Variants in ZBTB1 observed in about 807,000 individuals in gnomAD.
The protein encoded by ZBTB1 is zinc finger and BTB domain-containing protein 1.
ZBTB1 carries 13 observed loss-of-function variants against 51.6 expected under a neutral mutation model. The ratio of observed to expected loss-of-function variants is 0.25; its 90% CI spans 0.16 to 0.40. The LOEUF is 0.40. Among genes scored for constraint, ZBTB1 ranks in the 10% least tolerant of loss-of-function variants. The probability of loss-of-function intolerance (pLI) is 1.00; values close to 1 mark genes in which losing one functional copy is unlikely to be tolerated. For missense variants in ZBTB1, 567 were observed against 856.5 expected, an observed-to-expected ratio of 0.66 and a Z score of 4.22; for synonymous variants, 240 against 282.2, an observed-to-expected ratio of 0.85 and a Z score of 1.50.
rs35952308 is a variant in ZBTB1 at position 64,523,982 on chromosome 14, GT to G, written c.*349del. 0.013 allele frequency: 10,484 copies of G among 807,528 alleles called. 3 individuals are homozygous for G. The highest frequency in any genetic ancestry group is 0.026 in the East Asian group (209 of 7,930). 50.0% of individuals were successfully genotyped at this position (807,528 alleles called of 1,614,324 possible). ...GGTGATGACTTCACTATTTCTATGT[GT>G]TTTTTTTTTTTTAAGGTTATCCTGT... On this transcript the variant is annotated 3_prime_UTR_variant, in exon 2 of 2. Coordinates refer to ENST00000683701, the MANE Select transcript of ZBTB1 (RefSeq NM_001123329.2). This position sits in a 1 kb window ranked among gnomAD's most constrained non-coding sequence, Gnocchi z 4.5.
At chr14:64,506,651 C>A (rs993304377) in intron 1 of ZBTB1, among the ~76,000 whole-genome samples, 14 of 152,224 alleles carry the variant, frequency 9.2e-5, no homozygotes, top group Non-Finnish European at 1.9e-4. Flanking sequence ...TAACCTCTTA[C>A]ATTCGTTTTA....
chr14:64,509,537 A>C (rs1364496044), intron 1 of ZBTB1, among the ~76,000 whole-genome samples: 2 of 152,216 alleles, frequency 1.3e-5, no homozygotes, highest in African/African-American at 4.8e-5. Context: ...TCTTAGAATG[A>C]ACATGCATTT....
exon 3 of ZBTB1, chr14:64,532,270 G>A (rs1435321762): frequency 1.9e-5 from 3 of 160,794 alleles, no homozygotes; most frequent in African/African-American, 4.8e-5. Flanking sequence ...AATATAAAGA[G>A]ACATAATCAC....
chr14:64,516,844 GAA>G (rs1440732243), intron 1 of ZBTB1: 1 of 152,170 alleles, frequency 6.6e-6, no homozygotes, highest in Admixed American at 6.6e-5. Flanking sequence ...GTTAATAAAA[GAA>G]TATGTATTTT....
At chr14:64,519,779 A>G (rs1242053328) in intron 1 of ZBTB1, among the ~76,000 whole-genome samples, 1 of 147,062 alleles carries the variant, frequency 6.8e-6, no homozygotes, top group East Asian at 2.0e-4. Context: ...CCCTGCCTCA[A>G]AAAAAAAAAA....
Position 64,523,297 on chromosome 14 carries a change from C to T in ZBTB1, c.1793C>T (p.Thr598Ile). 1 of 1,614,170 alleles carries T rather than the reference C, an allele frequency of 6.2e-7. No homozygotes were observed. Among genetic ancestry groups the T allele is most frequent in the Non-Finnish European group, 8.5e-7 (1 of 1,180,024 alleles). The change falls in exon 2 of 2, where the codon ACT becomes ATT. Residue 598 changes from threonine (T) to isoleucine (I), a missense_variant. Physicochemically the swap from Thr to Ile is moderately conservative, Grantham distance 89. Coordinates refer to ENST00000683701, the MANE Select transcript of ZBTB1 (RefSeq NM_001123329.2). This position sits in a 1 kb window ranked among gnomAD's most constrained non-coding sequence, Gnocchi z 4.5. ...YQRCHLREHY[T>I]VHTKEKQFVC... ...CGGTGTCACTTAAGAGAACACTATA[C>T]TGTTCATACTAAGGAAAAACAGTTT...
Position 64,523,254 on chromosome 14 carries a change from G to A in ZBTB1, c.1750G>A (p.Gly584Arg). ...HRRKHFCNLC[G>R]KGFYQRCHLR... is the part of the protein sequence containing the mutation. ...ACGAAAGCATTTTTGTAATCTGTGT[G>A]GAAAAGGATTTTATCAGCGGTGTCA... Residue 584 changes from glycine (G) to arginine (R), a missense_variant, in exon 2 of 2, where the codon GGA (glycine) becomes AGA (arginine). Physicochemically the swap from Gly to Arg is moderately radical, Grantham distance 125. This residue lies in a region of ZBTB1 where 69 missense variants were observed against 171.8 expected (regional missense o/e 0.40). Coordinates refer to ENST00000683701, the MANE Select transcript of ZBTB1 (RefSeq NM_001123329.2). The surrounding 1 kb of genome is among the most constrained non-coding windows in gnomAD (Gnocchi z 4.5). The A allele has an allele frequency of 6.2e-7, 1 of 1,614,124 alleles. No individual in the cohort carries two copies. Among genetic ancestry groups the A allele is most frequent in the Non-Finnish European group, 8.5e-7 (1 of 1,180,002 alleles).
upstream of ZBTB1, chr14:64,504,532 G>T: frequency 5.8e-6 from 1 of 173,656 alleles, no homozygotes; most frequent in South Asian, 2.0e-4. Context: ...CCGCCGCGAC[G>T]GCCCCCGCGG....
chr14:64,527,686 C>A (rs2079914101), downstream of ZBTB1, among the ~76,000 whole-genome samples: 1 of 151,918 alleles, frequency 6.6e-6, no homozygotes. Context: ...GCAGGAGAAT[C>A]TCTTGAACTT....
downstream of ZBTB1, among the ~76,000 whole-genome samples, chr14:64,526,354 T>G (rs2079903964): frequency 6.6e-6 from 1 of 152,222 alleles, no homozygotes; most frequent in South Asian, 2.1e-4. Flanking sequence ...GAGCTGTCAT[T>G]CCTTGCTGTT....
At chr14:64,527,299 AC>A (rs2079910718), downstream of ZBTB1, among the ~76,000 whole-genome samples, 6 of 152,048 alleles carry the variant, frequency 3.9e-5, no homozygotes, top group South Asian at 1.2e-3. Flanking sequence ...ACATGGCAAA[AC>A]CCCACCTCTA....
rs763296199 is a variant in ZBTB1 at position 64,524,598 on chromosome 14, C to T, written c.*952C>T. On this transcript the variant is annotated 3_prime_UTR_variant, in exon 2 of 2. Transcript: ENST00000683701. ...TCTGGAACTTTGAGATTTGAGAAAG[C>T]TTCCATGTATATTGATAAATCTAAT... The T allele has an allele frequency of 1.5e-5, 15 of 982,616 alleles. No individual in the cohort carries two copies. The highest frequency in any genetic ancestry group is 1.7e-5 in the Non-Finnish European group (14 of 827,568). 60.9% of individuals were successfully genotyped at this position (982,616 alleles called of 1,614,324 possible).
chr14:64,520,058 G>A (rs2079844371), intron 1 of ZBTB1, among the ~76,000 whole-genome samples: 2 of 152,132 alleles, frequency 1.3e-5, no homozygotes, highest in South Asian at 2.1e-4. Context: ...CTGGAGTGCA[G>A]TGGTGCGATC....
At chr14:64,515,199 A>G (rs1465060826) in intron 1 of ZBTB1, among the ~76,000 whole-genome samples, 1 of 152,142 alleles carries the variant, frequency 6.6e-6, no homozygotes, top group Non-Finnish European at 1.5e-5. Flanking sequence ...TCCTTATCCA[A>G]ATGACATTAA....
intron 1 of ZBTB1, among the ~76,000 whole-genome samples, chr14:64,518,037 A>G (rs1397935570): frequency 6.6e-6 from 1 of 151,782 alleles, no homozygotes; most frequent in Non-Finnish European, 1.5e-5. Flanking sequence ...GGGTTTCACC[A>G]TGTTGGCCAG....
At position 64,524,184 on chromosome 14, in the gene ZBTB1, A is replaced by G. The variant is rs2079885897; in HGVS notation, c.*538A>G. 2 of 985,200 alleles carry G rather than the reference A, an allele frequency of 2.0e-6. No individual in the cohort carries two copies. Among genetic ancestry groups the G allele is most frequent in the South Asian group, 9.4e-5 (2 of 21,290 alleles). The allele number at this position is 985,200 out of a possible 1,614,324, so 61.0% of individuals were successfully genotyped here. A position where few individuals can be genotyped will look rare whatever the true frequency, so the allele number is the denominator to read the frequency against. On this transcript the variant is annotated 3_prime_UTR_variant, in exon 2 of 2. Transcript: ENST00000683701. ...TTATTAGGCAAGTTAGGTGCACTGA[A>G]TCTAACCTTTAAGGTTGACATGGGC...
chr14:64,509,132 G>A (rs2079696296), intron 1 of ZBTB1, among the ~76,000 whole-genome samples: 1 of 152,238 alleles, frequency 6.6e-6, no homozygotes, highest in Admixed American at 6.5e-5. Flanking sequence ...CACCTTGGGA[G>A]GCCTAGGCAG....
At chr14:64,503,936 C>G (rs893585030), upstream of ZBTB1, 2 of 152,174 alleles carry the variant, frequency 1.3e-5, no homozygotes, top group Admixed American at 6.5e-5. Flanking sequence ...GGCCCGCGCT[C>G]TGAGTGCCGC....
rs188036695 is a variant in ZBTB1 at position 64,522,002 on chromosome 14, G to A, written c.498G>A (p.Thr166=). ...ANRWCAEPSS[T]VNTPHNREAD... Reference sequence around the variant, plus strand: ...GGTGGTGTGCAGAGCCAAGTTCAACGGTAAATACACCACATAATAGAGAGG... The same window carrying A: ...GGTGGTGTGCAGAGCCAAGTTCAACAGTAAATACACCACATAATAGAGAGG... Residue 166 remains threonine (T), a synonymous_variant, in exon 2 of 2, where the codon ACG becomes ACA. Coordinates refer to ENST00000683701, the MANE Select transcript of ZBTB1 (RefSeq NM_001123329.2). The A allele has an allele frequency of 4.4e-5, 71 of 1,614,176 alleles. No homozygotes were observed. In the Admixed American group the frequency reaches 8.2e-4, roughly 19 times the overall value.
Sources: gnomAD v4.1 joint callset for allele counts (sites outside exome capture counted in the v4.1 genomes callset) on GRCh38, gnomAD v4.1.1 for gene constraint, gnomAD v4.1.1 regional missense constraint, Gnocchi (gnomAD v3.1) non-coding constraint, MANE v1.5 for transcripts, NCBI Gene and HGNC (gene_info 2026-07-23, HGNC 2026-07-21) for gene names.